The following LRP1 variants were observed in gnomAD, a reference collection of about 807,000 sequenced individuals.
The protein encoded by LRP1 is prolow-density lipoprotein receptor-related protein 1.
LRP1 carries 51 observed loss-of-function variants against 541.5 expected under a neutral mutation model. That is an observed-to-expected ratio of 0.09 (90% CI 0.08 to 0.12). LRP1 has a LOEUF of 0.12. LRP1 is among the 10% of genes least tolerant of loss of function. The probability of loss-of-function intolerance (pLI) is 1.00; values close to 1 mark genes in which losing one functional copy is unlikely to be tolerated. For synonymous variants in LRP1, 2,219 were observed against 2,470.8 expected (o/e 0.90, Z 3.02); for missense variants, 3,878 against 6,376.2 (o/e 0.61, Z 13.34).
Position 57,197,516 on chromosome 12 carries a change from T to A in LRP1, c.9163-29T>A, listed in dbSNP as rs909833999. 7 of 1,613,784 alleles carry A rather than the reference T, an allele frequency of 4.3e-6. No individual in the cohort carries two copies. The highest frequency in any genetic ancestry group is 1.7e-6 in the Non-Finnish European group (2 of 1,179,924). On this transcript the variant is annotated intron_variant, in intron 57 of 88. Transcript: ENST00000243077. The surrounding 1 kb of genome is among the most constrained non-coding windows in gnomAD (Gnocchi z 4.5). ...TGTGGCCCCTGTTGCCACAACCGAC[T>A]TCTGCTGTCCTTCACTCCCCAAATC...
intron 20 of LRP1, among the ~76,000 whole-genome samples, chr12:57,170,774 C>A (rs1367058011): frequency 6.6e-6 from 1 of 152,094 alleles, no homozygotes; most frequent in Non-Finnish European, 1.5e-5. Flanking sequence ...TGTGAGCTCG[C>A]CACTGCACTC....
Position 57,197,802 on chromosome 12 carries a change from T to A in LRP1, c.9282+138T>A. 1.0e-6 allele frequency: 1 copy of A among 1,001,820 alleles called. No individual in the cohort carries two copies. The highest frequency in any genetic ancestry group is 1.4e-6 in the Non-Finnish European group (1 of 695,382). The allele number at this position is 1,001,820 out of a possible 1,614,324, so 62.1% of individuals were successfully genotyped here. On this transcript the variant is annotated intron_variant, in intron 58 of 88. Transcript: ENST00000243077. The surrounding 1 kb of genome is among the most constrained non-coding windows in gnomAD (Gnocchi z 4.5). ...TCACTATATGACTGCTTGTTCTAGC[T>A]GCTCACTCTCCTCTGGGCCCAGACA...
intron 1 of LRP1, among the ~76,000 whole-genome samples, chr12:57,130,844 T>C (rs1264187540): frequency 2.6e-5 from 4 of 152,118 alleles, no homozygotes; most frequent in African/African-American, 9.7e-5. Flanking sequence ...TTTCTTAAAA[T>C]GTTCACCCAC....
chr12:57,183,879 G>T lies in LRP1; in HGVS notation c.5899G>T (p.Val1967Leu), dbSNP rs773833027. The T allele has an allele frequency of 1.2e-6, 2 of 1,614,216 alleles. No individual in the cohort carries two copies. Among genetic ancestry groups the T allele is most frequent in the Non-Finnish European group, 1.7e-6 (2 of 1,180,044 alleles). ...EDVVTNGIGR[V>L]EGIAVDWIAG... ...CGTGGTGACCAATGGCATTGGCCGT[G>T]TGGAGGGCATTGCAGTGGACTGGAT... Residue 1967 changes from valine to leucine, a missense_variant, in exon 36 of 89, where the codon GTG (valine) becomes TTG (leucine). Val to Leu is a conservative substitution (Grantham distance 32, BLOSUM62 1). This residue lies in a region of LRP1 where 394 missense variants were observed against 635.9 expected (regional missense o/e 0.62). Transcript: ENST00000243077. The surrounding 1 kb of genome is among the most constrained non-coding windows in gnomAD (Gnocchi z 6.1).
chr12:57,198,048 A>C, intron 58 of LRP1, 108 bp from the exon 59 acceptor site: 1 of 903,510 alleles, frequency 1.1e-6, no homozygotes, highest in East Asian at 2.6e-5. Context: ...CAGAGCTGTC[A>C]GAGGGAGCTC....
rs1306591215 is a variant in LRP1, at chr12:57,211,533, C to G, written c.13138C>G (p.His4380Asp). The change falls in exon 85 of 89, where the codon CAC becomes GAC. Residue 4380 changes from histidine (H) to aspartate (D), a missense_variant. Physicochemically the swap from His to Asp is moderately conservative, Grantham distance 81. Transcript: ENST00000243077. The surrounding 1 kb of genome is among the most constrained non-coding windows in gnomAD (Gnocchi z 4.3). Reference protein sequence around the residue: ...VAPSCLTCVGHCSNGGSCTMN... With the variant: ...VAPSCLTCVGDCSNGGSCTMN... Reference sequence around the variant, plus strand: ...CCCCAGCTGTCTGACCTGCGTCGGCCACTGCAGCAATGGCGGCTCCTGTAC... The same window carrying G: ...CCCCAGCTGTCTGACCTGCGTCGGCGACTGCAGCAATGGCGGCTCCTGTAC... 1 of 1,614,104 alleles carries G rather than the reference C, an allele frequency of 6.2e-7. No individual in the cohort carries two copies. Among genetic ancestry groups the G allele is most frequent in the South Asian group, 1.1e-5 (1 of 91,084 alleles).
In LRP1 at chr12:57,185,519, C is replaced by A; in HGVS notation, c.6464-12C>A. On this transcript the variant is annotated splice_polypyrimidine_tract_variant and intron_variant, in intron 40 of 88. Coordinates refer to ENST00000243077, the MANE Select transcript of LRP1 (RefSeq NM_002332.3). The surrounding 1 kb of genome is among the most constrained non-coding windows in gnomAD (Gnocchi z 4.9). ...AGGCAGGCCCTGCCCTCTGTACCCT[C>A]CCCTCCCCCAGGCACCAACGTGTGC... 6.3e-7 allele frequency: 1 copy of A among 1,575,122 alleles called. No homozygotes were observed.
intron 17 of LRP1, among the ~76,000 whole-genome samples, chr12:57,166,651 G>A (rs1020249401): frequency 6.6e-6 from 1 of 152,170 alleles, no homozygotes; most frequent in Non-Finnish European, 1.5e-5. Flanking sequence ...CCCAGCCTGG[G>A]AAACTGAGAG....
chr12:57,129,153 T>A, intron 1 of LRP1, 122 bp downstream of exon 1: 2 of 1,072,948 alleles, frequency 1.9e-6, no homozygotes, highest in South Asian at 1.4e-5. Context: ...CCAGTCCAGC[T>A]GACACAGCAG....
In LRP1 at chr12:57,206,913, C is replaced by T. The variant is rs1012094342; in HGVS notation, c.11859+172C>T. 6.6e-6 allele frequency among the ~76,000 whole-genome samples: 1 copy of T among 152,184 alleles called. No homozygotes were observed. The highest frequency in any genetic ancestry group is 2.4e-5 in the African/African-American group (1 of 41,424). ...CCTGAGATCAGGAGTTTGAGACCAG[C>T]GTGGCAACATGGTGAAACCCTGTCT... On this transcript the variant is annotated intron_variant, in intron 76 of 88. Transcript: ENST00000243077. The surrounding 1 kb of genome is among the most constrained non-coding windows in gnomAD (Gnocchi z 4.7).
intron 1 of LRP1, among the ~76,000 whole-genome samples, chr12:57,129,655 G>C (rs1458993878): frequency 6.6e-6 from 1 of 152,220 alleles, no homozygotes; most frequent in Non-Finnish European, 1.5e-5. Context: ...CAGTAGCCTG[G>C]GGTAGGGCTG....
chr12:57,133,830 A>G (rs1046296917), intron 1 of LRP1, among the ~76,000 whole-genome samples: 5 of 151,714 alleles, frequency 3.3e-5, no homozygotes, highest in African/African-American at 9.7e-5. Flanking sequence ...TTTAAGAAGC[A>G]CCTCTAAGGT....
At chr12:57,139,180 A>G (rs1322470528) in intron 2 of LRP1, among the ~76,000 whole-genome samples, 1 of 152,134 alleles carries the variant, frequency 6.6e-6, no homozygotes, top group African/African-American at 2.4e-5. Flanking sequence ...GGTAGCTGGC[A>G]CAGTCCTGGT....
intron 1 of LRP1, 108 bp downstream of exon 1, chr12:57,129,139 T>C: frequency 8.3e-7 from 1 of 1,202,058 alleles, no homozygotes; most frequent in Non-Finnish European, 1.2e-6. Flanking sequence ...TGCCTTTTGT[T>C]ATCCCAGTCC....
chr12:57,185,653 G>A lies in LRP1; in HGVS notation c.6586G>A (p.Glu2196Lys). 10 of 1,613,228 alleles carry A rather than the reference G, an allele frequency of 6.2e-6. No individual in the cohort carries two copies. The highest frequency in any genetic ancestry group is 8.5e-6 in the Non-Finnish European group (10 of 1,179,960). The stretch of plus-strand genomic sequence containing the variant: ...GGCTGAAGACGGAGCATCGTGCCGC[G>A]AGTATGCCGGCTACCTGCTCTACTC... ...MLAEDGASCR[E>K]YAGYLLYSER... The change falls in exon 41 of 89, where the codon GAG becomes AAG. Residue 2196 changes from glutamate (E) to lysine (K), a missense_variant. Physicochemically the swap from Glu to Lys is moderately conservative, Grantham distance 56. Around this residue, in one of 13 missense-constraint regions of LRP1, gnomAD observed 1,100 missense variants for 1,827.4 expected, o/e 0.60. Transcript: ENST00000243077. This position sits in a 1 kb window ranked among gnomAD's most constrained non-coding sequence, Gnocchi z 4.9.
In LRP1 at chr12:57,138,443, T is replaced by C. The variant is rs200035834; in HGVS notation, c.68-16T>C. 3 of 1,612,954 alleles carry C rather than the reference T, an allele frequency of 1.9e-6. No homozygotes were observed. The African/African-American group carries it at 4.0e-5, about 22-fold the overall frequency. On this transcript the variant is annotated splice_polypyrimidine_tract_variant and intron_variant, in intron 1 of 88. Transcript: ENST00000243077. Reference sequence around the variant, plus strand: ...TCCATCCTTCATTTATATCCCCTTTTCTTTCCTTGCCCTAGCCCCTAAGAC... The same window carrying C: ...TCCATCCTTCATTTATATCCCCTTTCCTTTCCTTGCCCTAGCCCCTAAGAC...
At position 57,206,342 on chromosome 12, in the gene LRP1, T is replaced by TA; in HGVS notation, c.11591-129dup. On this transcript the variant is annotated intron_variant, in intron 75 of 88. Transcript: ENST00000243077. The surrounding 1 kb of genome is among the most constrained non-coding windows in gnomAD (Gnocchi z 4.7). ...AGCCTGCAACCCTGAGCAGGGAGGGTAAGCAGCAGCTTCTGGCCGGAGCAG... is the reference window on the plus strand; with the variant it reads ...AGCCTGCAACCCTGAGCAGGGAGGGTAAAGCAGCAGCTTCTGGCCGGAGCAG... The TA allele has an allele frequency of 1.1e-6, 1 of 937,866 alleles. No homozygotes were observed. The highest frequency in any genetic ancestry group is 1.6e-6 in the Non-Finnish European group (1 of 618,860). 58.1% of individuals were successfully genotyped at this position (937,866 alleles called of 1,614,324 possible).
In LRP1 at chr12:57,145,020, A is replaced by G. The variant is rs763952863; in HGVS notation, c.497A>G (p.Asn166Ser). ...GGCACCTGCAGCCAGCTATGCACCA[A>G]CACAGACGGCTCCTTCATATGTGGC... ...VYGTCSQLCT[N>S]TDGSFICGCV... is the part of the protein sequence containing the mutation. Residue 166 changes from asparagine to serine, a missense_variant, in exon 5 of 89, where the codon AAC (asparagine) becomes AGC (serine). Physicochemically the swap from Asn to Ser is conservative, Grantham distance 46. This residue lies in a region of LRP1 where 293 missense variants were observed against 403.7 expected (regional missense o/e 0.73). Coordinates refer to ENST00000243077, the MANE Select transcript of LRP1 (RefSeq NM_002332.3). The G allele has an allele frequency of 1.2e-6, 2 of 1,614,146 alleles. No homozygotes were observed. The highest frequency in any genetic ancestry group is 1.3e-5 in the African/African-American group (1 of 75,032).
chr12:57,143,213 G>T (rs558449051), intron 3 of LRP1, among the ~76,000 whole-genome samples: 1 of 152,318 alleles, frequency 6.6e-6, no homozygotes, highest in South Asian at 2.1e-4. Context: ...TCCGGGGATG[G>T]GTTAGACAGG....
Sources: allele counts gnomAD v4.1 joint callset (sites outside exome capture counted in the v4.1 genomes callset), GRCh38; gene constraint gnomAD v4.1.1; regional missense constraint gnomAD v4.1.1; non-coding constraint Gnocchi (gnomAD v3.1); transcripts MANE v1.5; gene names NCBI Gene and HGNC (gene_info 2026-07-23, HGNC 2026-07-21).